Variants in LY6E observed in about 807,000 individuals in gnomAD.
The protein encoded by LY6E is lymphocyte antigen 6 family member E.
LY6E carries 4 observed loss-of-function variants against 7.7 expected under a neutral mutation model. The ratio of observed to expected loss-of-function variants is 0.52; its 90% CI spans 0.25 to 1.18. The LOEUF is 1.18. LY6E is among the 50% of genes most tolerant of loss of function. The pLI is 0.14. For missense variants in LY6E, 156 were observed against 168.0 expected, an observed-to-expected ratio of 0.93 and a Z score of 0.40; for synonymous variants, 81 against 80.1, an observed-to-expected ratio of 1.01 and a Z score of -0.06.
Position 143,020,871 on chromosome 8 carries a change from G to A in LY6E, c.-57-12G>A. The A allele has an allele frequency of 2.0e-6, 3 of 1,484,452 alleles. No individual in the cohort carries two copies. Among genetic ancestry groups the A allele is most frequent in the Non-Finnish European group, 2.8e-6 (3 of 1,067,880 alleles). 92.0% of individuals were successfully genotyped at this position (1,484,452 alleles called of 1,614,324 possible). Reference sequence around the variant, plus strand: ...GGCACCACCCGGCCCCCTAACCAGTGTGTCTCTCCAGAGCAGGACAGGCTG... The same window carrying A: ...GGCACCACCCGGCCCCCTAACCAGTATGTCTCTCCAGAGCAGGACAGGCTG... On this transcript the variant is annotated splice_polypyrimidine_tract_variant and intron_variant, in intron 1 of 3. Transcript: ENST00000292494.
Position 143,021,341 on chromosome 8 carries a change from T to G in LY6E, c.80T>G (p.Leu27Trp). Residue 27 changes from leucine to tryptophan, a missense_variant, in exon 3 of 4, where the codon TTG becomes TGG. Leu to Trp is a moderately conservative substitution (Grantham distance 61, BLOSUM62 -2). Transcript: ENST00000292494. Reference protein sequence around the residue: ...RASSLMCFSCLNQKSNLYCLK... With the variant: ...RASSLMCFSCWNQKSNLYCLK... Reference sequence around the variant, plus strand: ...AGCTCGCTGATGTGCTTCTCCTGCTTGAACCAGAAGAGCAATCTGTACTGC... The same window carrying G: ...AGCTCGCTGATGTGCTTCTCCTGCTGGAACCAGAAGAGCAATCTGTACTGC... 3.1e-6 allele frequency: 5 copies of G among 1,613,922 alleles called. No individual in the cohort carries two copies. Among genetic ancestry groups the G allele is most frequent in the Non-Finnish European group, 4.2e-6 (5 of 1,180,000 alleles).
At chr8:143,021,254 G>T (rs2130452940) in intron 2 of LY6E, 60 bp from the exon 3 acceptor site, 1 of 1,585,616 alleles carries the variant, frequency 6.3e-7, no homozygotes, top group South Asian at 1.2e-5. Flanking sequence ...TGTCCACTGG[G>T]GTCAGGCCTG....
intron 3 of LY6E, 47 bp downstream of exon 3, chr8:143,021,480 C>T: frequency 6.2e-7 from 1 of 1,613,650 alleles, no homozygotes; most frequent in African/African-American, 1.3e-5. Flanking sequence ...GGCCATCTCC[C>T]TAGCCCGGGC....
chr8:143,021,531 C>G, intron 3 of LY6E, 35 bp from the exon 4 acceptor site: 5 of 1,613,036 alleles, frequency 3.1e-6, no homozygotes, highest in Non-Finnish European at 4.2e-6. Flanking sequence ...CTGCAGCCGT[C>G]TGTCTCTCCC....
Position 143,021,868 on chromosome 8 carries a change from C to A in LY6E, c.*79C>A. 1.5e-6 allele frequency: 2 copies of A among 1,300,678 alleles called. No homozygotes were observed. Among genetic ancestry groups the A allele is most frequent in the Non-Finnish European group, 2.1e-6 (2 of 952,536 alleles). The allele number at this position is 1,300,678 out of a possible 1,614,324, so 80.6% of individuals were successfully genotyped here. A position where few individuals can be genotyped will look rare whatever the true frequency, so the allele number is the denominator to read the frequency against. On this transcript the variant is annotated 3_prime_UTR_variant, in exon 4 of 4. Transcript: ENST00000292494. Reference sequence around the variant, plus strand: ...TTCTGGATCCCACAGTGTATGGGAGCCCCTGACTCCTCACGTGCCTGATCT... The same window carrying A: ...TTCTGGATCCCACAGTGTATGGGAGACCCTGACTCCTCACGTGCCTGATCT...
At chr8:143,019,740 T>A (rs1337945259) in intron 1 of LY6E, among the ~76,000 whole-genome samples, 1 of 152,132 alleles carries the variant, frequency 6.6e-6, no homozygotes, top group Non-Finnish European at 1.5e-5. Context: ...GCATCCTCCT[T>A]ACCCCCAGTG....
intron 2 of LY6E, 139 bp from the exon 3 acceptor site, chr8:143,021,175 A>AGG: frequency 7.6e-7 from 1 of 1,309,512 alleles, no homozygotes; most frequent in Non-Finnish European, 1.1e-6. Flanking sequence ...CTCGACGGCC[A>AGG]GGGTGGGGTG....
chr8:143,020,089 G>C (rs1370394400), intron 1 of LY6E, among the ~76,000 whole-genome samples: 1 of 152,146 alleles, frequency 6.6e-6, no homozygotes, highest in African/African-American at 2.4e-5. Flanking sequence ...GGAATGGGGA[G>C]TGCTTTCCCC....
At position 143,021,704 on chromosome 8, in the gene LY6E, A is replaced by T; in HGVS notation, c.311A>T (p.Asp104Val). The change falls in exon 4 of 4, where the codon GAT becomes GTT. Residue 104 changes from aspartate to valine, a missense_variant. Physicochemically the swap from Asp to Val is radical, Grantham distance 152 (BLOSUM62 -3). Transcript: ENST00000292494. ...QSFLCNFSAADGGLRASVTLL... is the reference protein window; with the variant it reads ...QSFLCNFSAAVGGLRASVTLL... ...TTTCTGTGCAATTTCAGTGCGGCCG[A>T]TGGCGGGCTGCGGGCAAGCGTCACC... The T allele has an allele frequency of 6.2e-7, 1 of 1,613,512 alleles. No individual in the cohort carries two copies. The highest frequency in any genetic ancestry group is 8.5e-7 in the Non-Finnish European group (1 of 1,180,022).
intron 1 of LY6E, chr8:143,019,077 G>A (rs1819143761): frequency 6.6e-6 from 1 of 152,602 alleles, no homozygotes; most frequent in Admixed American, 6.5e-5. Context: ...CGGAGCACTG[G>A]AACCCGCCCC....
At chr8:143,019,365 G>A (rs560169482) in intron 1 of LY6E, among the ~76,000 whole-genome samples, 15 of 152,308 alleles carry the variant, frequency 9.8e-5, no homozygotes, top group Non-Finnish European at 2.1e-4. Flanking sequence ...AATTGCCTTC[G>A]GCTCCCACCG....
intron 1 of LY6E, among the ~76,000 whole-genome samples, chr8:143,019,351 T>C (rs751298021): frequency 1.3e-5 from 2 of 152,232 alleles, no homozygotes; most frequent in Non-Finnish European, 2.9e-5. Flanking sequence ...CACCCGGCCT[T>C]CCTAATTGCC....
intron 2 of LY6E, 37 bp from the exon 3 acceptor site, chr8:143,021,277 G>C: frequency 6.2e-7 from 1 of 1,605,050 alleles, no homozygotes; most frequent in African/African-American, 1.3e-5. Context: ...AGGGACACTG[G>C]AGGCTTCCCT....
intron 1 of LY6E, among the ~76,000 whole-genome samples, chr8:143,020,649 C>A (rs1412765170): frequency 6.6e-6 from 1 of 152,234 alleles, no homozygotes; most frequent in African/African-American, 2.4e-5. Context: ...GAGAAGGCTG[C>A]TGAGTTTCCT....
Position 143,021,326 on chromosome 8 carries a change from T to C in LY6E, c.65T>C (p.Met22Thr). Reference sequence around the variant, plus strand: ...CCTCCTTCCGCAGCCAGCTCGCTGATGTGCTTCTCCTGCTTGAACCAGAAG... The same window carrying C: ...CCTCCTTCCGCAGCCAGCTCGCTGACGTGCTTCTCCTGCTTGAACCAGAAG... ...LLGVERASSL[M>T]CFSCLNQKSN... is the part of the protein sequence containing the mutation. The change falls in exon 3 of 4, where the codon ATG (methionine) becomes ACG (threonine). Residue 22 changes from methionine to threonine, a missense_variant. Transcript: ENST00000292494. 2.5e-6 allele frequency: 4 copies of C among 1,613,802 alleles called. No individual in the cohort carries two copies. Among genetic ancestry groups the C allele is most frequent in the Non-Finnish European group, 3.4e-6 (4 of 1,179,994 alleles).
rs111560737 is a variant in LY6E, at chr8:143,021,703, G to A, written c.310G>A (p.Asp104Asn). The A allele has an allele frequency of 8.8e-4, 1,418 of 1,613,540 alleles. 8 individuals carry two copies. Among genetic ancestry groups the A allele is most frequent in the African/African-American group, 4.7e-3 (352 of 75,064 alleles). The change falls in exon 4 of 4, where the codon GAT (aspartate) becomes AAT (asparagine). Residue 104 changes from aspartate to asparagine, a missense_variant. Physicochemically the swap from Asp to Asn is conservative, Grantham distance 23 (BLOSUM62 1). Transcript: ENST00000292494. Reference sequence around the variant, plus strand: ...CTTTCTGTGCAATTTCAGTGCGGCCGATGGCGGGCTGCGGGCAAGCGTCAC... The same window carrying A: ...CTTTCTGTGCAATTTCAGTGCGGCCAATGGCGGGCTGCGGGCAAGCGTCAC... ...QSFLCNFSAADGGLRASVTLL... is the reference protein window; with the variant it reads ...QSFLCNFSAANGGLRASVTLL...
At chr8:143,020,801 GTCC>G in intron 1 of LY6E, 79 bp from the exon 2 acceptor site, 1 of 725,358 alleles carries the variant, frequency 1.4e-6, no homozygotes, top group South Asian at 1.7e-5. Context: ...TGCTGTCTGT[GTCC>G]TCATCTGCAA....
rs992649343 is a variant in LY6E, at chr8:143,021,684, G to T, written c.291G>T (p.Leu97=). The T allele has an allele frequency of 1.7e-5, 28 of 1,613,616 alleles. No homozygotes were observed. Among genetic ancestry groups the T allele is most frequent in the Non-Finnish European group, 2.4e-5 (28 of 1,180,040 alleles). Residue 97 remains leucine (L), a synonymous_variant, in exon 4 of 4, where the codon CTG becomes CTT. Coordinates refer to ENST00000292494, the MANE Select transcript of LY6E (RefSeq NM_002346.3). ...SMGISCCQSF[L]CNFSAADGGL... ...GCATCAGCTGCTGCCAGAGCTTTCT[G>T]TGCAATTTCAGTGCGGCCGATGGCG...
At chr8:143,019,659 G>A (rs1004060446) in intron 1 of LY6E, among the ~76,000 whole-genome samples, 1 of 152,320 alleles carries the variant, frequency 6.6e-6, no homozygotes, top group South Asian at 2.1e-4. Context: ...GTCAGCCCAG[G>A]TCTCACTGTC....
Sources: allele counts gnomAD v4.1 joint callset (sites outside exome capture counted in the v4.1 genomes callset), GRCh38; gene constraint gnomAD v4.1.1; transcripts MANE v1.5; gene names NCBI Gene and HGNC (gene_info 2026-07-23, HGNC 2026-07-21).